The following SOS2 variants were observed in gnomAD, a reference collection of about 807,000 sequenced individuals.
SOS2 encodes SOS Ras/Rho guanine nucleotide exchange factor 2, also known as son of sevenless homolog 2.
SOS2 carries 65 observed loss-of-function variants against 148.2 expected under a neutral mutation model. The ratio of observed to expected loss-of-function variants is 0.44; its 90% CI spans 0.36 to 0.54. The LOEUF (loss-of-function observed/expected upper bound fraction) is 0.54. Ranked by LOEUF, SOS2 falls within the 20% of genes least tolerant of loss-of-function variation. The pLI is 0.00. For synonymous variants in SOS2, 539 were observed against 537.1 expected, an observed-to-expected ratio of 1.00 and a Z score of -0.05; for missense variants, 1,341 against 1,590.2, an observed-to-expected ratio of 0.84 and a Z score of 2.67.
rs2139465845 is a variant in SOS2 at position 50,118,854 on chromosome 14, C to CT, written c.3490-2dup. On this transcript the variant is annotated splice_acceptor_variant, in intron 22 of 22. Transcript: ENST00000216373. LOFTEE classifies it high-confidence loss of function. ...GATCATCATCAGATTTCATATTTCC[C>CT]TCAAAAAAAAAAGTAATTAAATTAT... The CT allele has an allele frequency of 8.6e-6, 11 of 1,281,244 alleles. No homozygotes were observed. The highest frequency in any genetic ancestry group is 1.1e-5 in the Non-Finnish European group (11 of 995,286). 79.4% of individuals were successfully genotyped at this position (1,281,244 alleles called of 1,614,324 possible). A position where few individuals can be genotyped will look rare whatever the true frequency, so the allele number is the denominator to read the frequency against.
At chr14:50,137,425 G>A (rs1884116879) in intron 18 of SOS2, among the ~76,000 whole-genome samples, 1 of 152,058 alleles carries the variant, frequency 6.6e-6, no homozygotes, top group African/African-American at 2.4e-5. Flanking sequence ...TTTACTGCAT[G>A]GACATCATTC....
At chr14:50,130,037 G>A in intron 20 of SOS2, 35 bp from the exon 21 acceptor site, 2 of 1,359,310 alleles carry the variant, frequency 1.5e-6, no homozygotes, top group Non-Finnish European at 1.0e-6. Flanking sequence ...TGAAAAGGAA[G>A]GTAACATGTA....
At chr14:50,146,147 AAAAAAAAAGAAAC>A (rs1227575472) in intron 14 of SOS2, among the ~76,000 whole-genome samples, 1 of 151,286 alleles carries the variant, frequency 6.6e-6, no homozygotes, top group Admixed American at 6.6e-5. Context: ...AAAAAAAAAA[AAAAAAAAAGAAAC>A]GAAAAAAAAG....
chr14:50,224,303 A>AT lies in SOS2; in HGVS notation c.87+6893_87+6894insA, dbSNP rs1566487847. 2.5e-3 allele frequency among the ~76,000 whole-genome samples: 182 copies of AT among 72,550 alleles called. 3 individuals carry two copies. The highest frequency in any genetic ancestry group is 9.4e-3 in the African/African-American group (166 of 17,586). 47.6% of individuals were successfully genotyped at this position (72,550 alleles called of 152,430 possible). On this transcript the variant is annotated intron_variant, in intron 1 of 22. Transcript: ENST00000216373. ...AAGACTCCGTCTCAGGAAAAAAAAA[A>AT]AATATATATATACACACACACACAC... is the stretch of plus-strand genomic sequence containing the variant.
At position 50,180,749 on chromosome 14, in the gene SOS2, A is replaced by G. The variant is rs945782732; in HGVS notation, c.859-67T>C. ...TATATTTTCTACCAATATGGTACAG[A>G]TTATTATCACTTGATCCCAGGAGTT... On this transcript the variant is annotated intron_variant, in intron 6 of 22. Coordinates refer to ENST00000216373, the MANE Select transcript of SOS2 (RefSeq NM_006939.4). 4 of 871,378 alleles carry G rather than the reference A, an allele frequency of 4.6e-6. No homozygotes were observed. In the African/African-American group the frequency reaches 7.0e-5, roughly 15 times the overall value. The allele number at this position is 871,378 out of a possible 1,614,324, so 54.0% of individuals were successfully genotyped here.
intron 1 of SOS2, among the ~76,000 whole-genome samples, chr14:50,218,212 T>C (rs868839234): frequency 1.4e-3 from 65 of 47,766 alleles, no homozygotes; most frequent in Middle Eastern, 0.027. Context: ...GAAACTTCGA[T>C]AAAAGGAAAA....
chr14:50,198,393 T>A (rs889711055), intron 4 of SOS2, among the ~76,000 whole-genome samples: 38 of 151,394 alleles, frequency 2.5e-4, no homozygotes, highest in African/African-American at 9.0e-4. Context: ...TAAGTCAAAA[T>A]AGAGATAACA....
At chr14:50,178,584 G>A (rs971831893) in intron 7 of SOS2, among the ~76,000 whole-genome samples, 4 of 149,258 alleles carry the variant, frequency 2.7e-5, no homozygotes, top group African/African-American at 9.9e-5. Context: ...CTGCCTCCAA[G>A]TGATCCTCCT....
At chr14:50,220,973 T>C (rs1887186258) in intron 1 of SOS2, among the ~76,000 whole-genome samples, 1 of 152,204 alleles carries the variant, frequency 6.6e-6, no homozygotes, top group Non-Finnish European at 1.5e-5. Context: ...GAAATCAGTG[T>C]TCTTTGCAGA....
chr14:50,123,201 G>A (rs1442472615), intron 21 of SOS2, among the ~76,000 whole-genome samples: 1 of 152,112 alleles, frequency 6.6e-6, no homozygotes, highest in African/African-American at 2.4e-5. Context: ...TAAACAGCAG[G>A]AATGGCAAGA....
Position 50,137,493 on chromosome 14 carries a change from C to T in SOS2, c.2958+1119G>A, listed in dbSNP as rs188316954. On this transcript the variant is annotated intron_variant, in intron 18 of 22. Coordinates refer to ENST00000216373, the MANE Select transcript of SOS2 (RefSeq NM_006939.4). ...GAACCAACTACACAAAGAAGCAATA[C>T]TTTCAAAAGAAAGTACTTAGTAACA... is the stretch of plus-strand genomic sequence containing the variant. Among the ~76,000 whole-genome samples the T allele has an allele frequency of 3.1e-3, 477 of 152,226 alleles. 2 individuals carry two copies. The highest frequency in any genetic ancestry group is 0.011 in the African/African-American group (441 of 41,546).
rs1048520943 is a variant in SOS2, at chr14:50,231,383, G to C, written c.-100C>G. 1.4e-5 allele frequency: 4 copies of C among 295,874 alleles called. No individual in the cohort carries two copies. The highest frequency in any genetic ancestry group is 4.6e-5 in the African/African-American group (2 of 43,694). 18.3% of individuals were successfully genotyped at this position (295,874 alleles called of 1,614,324 possible). ...CCGCCTCGCCTCGCCGGCGGCCGCC[G>C]CCTCCCGCCCGGGCCGAGGCTACGG... is the stretch of plus-strand genomic sequence containing the variant. On this transcript the variant is annotated 5_prime_UTR_variant, in exon 1 of 23. Coordinates refer to ENST00000216373, the MANE Select transcript of SOS2 (RefSeq NM_006939.4).
At chr14:50,201,924 T>A (rs1752518422) in intron 2 of SOS2, among the ~76,000 whole-genome samples, 1 of 152,168 alleles carries the variant, frequency 6.6e-6, no homozygotes, top group Non-Finnish European at 1.5e-5. Flanking sequence ...AAAAACAATC[T>A]TAGCCTTTGT....
intron 21 of SOS2, among the ~76,000 whole-genome samples, chr14:50,124,340 G>T (rs1883620417): frequency 6.6e-6 from 1 of 152,164 alleles, no homozygotes; most frequent in African/African-American, 2.4e-5. Flanking sequence ...GAAAAGACGA[G>T]ACAGTAGGAT....
At chr14:50,194,945 C>A (rs1192213294) in intron 4 of SOS2, among the ~76,000 whole-genome samples, 1 of 151,898 alleles carries the variant, frequency 6.6e-6, no homozygotes, top group Non-Finnish European at 1.5e-5. Context: ...CAAGGTTTAT[C>A]AGACTTGTAC....
intron 7 of SOS2, among the ~76,000 whole-genome samples, chr14:50,174,908 G>C (rs957793202): frequency 6.6e-6 from 1 of 152,170 alleles, no homozygotes; most frequent in Non-Finnish European, 1.5e-5. Context: ...TACAAAAGAT[G>C]CATTTCAGGG....
chr14:50,212,883 T>A (rs1308804399), intron 1 of SOS2, among the ~76,000 whole-genome samples: 4 of 152,140 alleles, frequency 2.6e-5, no homozygotes, highest in African/African-American at 9.7e-5. Context: ...ACAGTAATAC[T>A]AGAAGCTAGA....
In SOS2 at chr14:50,181,516, C is replaced by CA. The variant is rs1228834549; in HGVS notation, c.859-835dup. 3.8e-3 allele frequency among the ~76,000 whole-genome samples: 446 copies of CA among 118,152 alleles called. 1 individual carries two copies. The highest frequency in any genetic ancestry group is 0.011 in the African/African-American group (353 of 31,934). 77.5% of individuals were successfully genotyped at this position (118,152 alleles called of 152,430 possible). A position where few individuals can be genotyped will look rare whatever the true frequency, so the allele number is the denominator to read the frequency against. On this transcript the variant is annotated intron_variant, in intron 6 of 22. Transcript: ENST00000216373. ...TTTGTTGCAGTGTTGTTTACAATAA[C>CA]AAAAAAAAAAAGGAAAAAACTCTAC...
At chr14:50,184,135 T>A (rs1026007353) in intron 5 of SOS2, among the ~76,000 whole-genome samples, 9 of 152,218 alleles carry the variant, frequency 5.9e-5, no homozygotes, top group African/African-American at 2.2e-4. Flanking sequence ...TATATGGGTA[T>A]TTATAGTCTT....
Sources: gnomAD v4.1 joint callset for allele counts (sites outside exome capture counted in the v4.1 genomes callset) on GRCh38, gnomAD v4.1.1 for gene constraint, MANE v1.5 for transcripts, NCBI Gene and HGNC (gene_info 2026-07-23, HGNC 2026-07-21) for gene names.